Variants in RAD23B observed in about 807,000 individuals in gnomAD.
RAD23B encodes RAD23 nucleotide excision repair protein B.
In RAD23B, 5 loss-of-function variants were observed where a neutral mutation model predicts 49.1. That is an observed-to-expected ratio of 0.10 (90% confidence interval 0.05 to 0.21). The LOEUF is 0.21. RAD23B is among the 10% of genes least tolerant of loss of function. RAD23B has a pLI of 1.00. For synonymous variants in RAD23B, 184 were observed against 165.4 expected, an observed-to-expected ratio of 1.11 and a Z score of -0.86; for missense variants, 356 against 486.7, an observed-to-expected ratio of 0.73 and a Z score of 2.53.
At position 107,306,059 on chromosome 9, in the gene RAD23B, A is replaced by C. The variant is rs965031603; in HGVS notation, c.229-320A>C. ...AATGATACGGTTTATATCTATATAT[A>C]TATATATATATATCTATATATCTAT... On this transcript the variant is annotated intron_variant, in intron 3 of 9. Coordinates refer to ENST00000358015, the MANE Select transcript of RAD23B (RefSeq NM_002874.5). 8.7e-5 allele frequency among the ~76,000 whole-genome samples: 10 copies of C among 114,798 alleles called. 1 individual carries two copies. Among genetic ancestry groups the C allele is most frequent in the South Asian group, 5.5e-4 (2 of 3,640 alleles). The allele number at this position is 114,798 out of a possible 152,430, so 75.3% of individuals were successfully genotyped here. A position where few individuals can be genotyped will look rare whatever the true frequency, so the allele number is the denominator to read the frequency against.
chr9:107,311,650 T>A (rs1418424408), intron 4 of RAD23B, 32 bp from the exon 5 acceptor site: 3 of 1,511,540 alleles, frequency 2.0e-6, no homozygotes, highest in Non-Finnish European at 2.7e-6. Flanking sequence ...ATATACTTTT[T>A]AAAATGTGAT....
rs148559163 is a variant in RAD23B at position 107,322,076 on chromosome 9, G to A, written c.775G>A (p.Ala259Thr). ...TCAGTCTTCAGCAGTGGCTGCAGCTGCAGCAACTACGACAGCAACAACTAC... is the reference window on the plus strand; with the variant it reads ...TCAGTCTTCAGCAGTGGCTGCAGCTACAGCAACTACGACAGCAACAACTAC... ...APQSSAVAAA[A>T]ATTTATTTTT... is the part of the protein sequence containing the mutation. The change falls in exon 7 of 10, where the codon GCA (alanine) becomes ACA (threonine). Residue 259 changes from alanine to threonine, a missense_variant. Physicochemically the swap from Ala to Thr is moderately conservative, Grantham distance 58 (BLOSUM62 0). This residue lies in a region of RAD23B where 148 missense variants were observed against 231.7 expected (regional missense o/e 0.64). Transcript: ENST00000358015. 11 of 1,611,470 alleles carry A rather than the reference G, an allele frequency of 6.8e-6. No homozygotes were observed. The African/African-American group carries it at 1.2e-4, about 18-fold the overall frequency.
At chr9:107,294,294 G>C (rs1833444863) in intron 1 of RAD23B, among the ~76,000 whole-genome samples, 1 of 152,136 alleles carries the variant, frequency 6.6e-6, no homozygotes, top group Non-Finnish European at 1.5e-5. Context: ...TTGATTTCTT[G>C]AATGTTAACC....
chr9:107,294,544 G>A (rs1826459311), intron 1 of RAD23B, among the ~76,000 whole-genome samples: 1 of 152,186 alleles, frequency 6.6e-6, no homozygotes, highest in South Asian at 2.1e-4. Flanking sequence ...CTTGTGCTGA[G>A]TTCATACCTC....
At chr9:107,294,535 T>C (rs1385246425) in intron 1 of RAD23B, among the ~76,000 whole-genome samples, 2 of 152,240 alleles carry the variant, frequency 1.3e-5, no homozygotes, top group African/African-American at 4.8e-5. Flanking sequence ...AAGAGAAACC[T>C]TGTGCTGAGT....
At position 107,331,292 on chromosome 9, in the gene RAD23B, C is replaced by T. The variant is rs757559482; in HGVS notation, c.*1636C>T. ...CCGAGGTGGGCAGATCACTTGAGGC[C>T]AGGAGATTGAGACCAGCCTGACCGT... On this transcript the variant is annotated 3_prime_UTR_variant, in exon 10 of 10. Transcript: ENST00000358015. 27 of 167,034 alleles carry T rather than the reference C, an allele frequency of 1.6e-4. No homozygotes were observed. The highest frequency in any genetic ancestry group is 3.4e-4 in the Non-Finnish European group (26 of 77,550). 10.3% of individuals were successfully genotyped at this position (167,034 alleles called of 1,614,324 possible).
intron 1 of RAD23B, among the ~76,000 whole-genome samples, chr9:107,292,676 CAAAAAAAAAA>C (rs3056493): frequency 2.4e-5 from 2 of 82,760 alleles, no homozygotes; most frequent in Middle Eastern, 5.8e-3. Context: ...GAGACTCTGT[CAAAAAAAAAA>C]AAAAAAAAAA....
At chr9:107,284,167 G>C in intron 1 of RAD23B, 1 of 987,242 alleles carries the variant, frequency 1.0e-6, no homozygotes, top group African/African-American at 1.7e-5. Flanking sequence ...AAAAGTATCA[G>C]GTTCCGTTTG....
Position 107,331,565 on chromosome 9 carries a change from C to T in RAD23B, c.*1909C>T, listed in dbSNP as rs974199329. ...AGAATAAAATGAGAATTCATATATA[C>T]GTTCATCTTTCAAGTCAGAGCAATG... is the stretch of plus-strand genomic sequence containing the variant. On this transcript the variant is annotated 3_prime_UTR_variant, in exon 10 of 10. Transcript: ENST00000358015. 6.3e-5 allele frequency: 42 copies of T among 664,760 alleles called. 1 individual carries two copies. Among genetic ancestry groups the T allele is most frequent in the Admixed American group, 3.1e-4 (12 of 39,188 alleles). The allele number at this position is 664,760 out of a possible 1,614,324, so 41.2% of individuals were successfully genotyped here. A position where few individuals can be genotyped will look rare whatever the true frequency, so the allele number is the denominator to read the frequency against.
intron 1 of RAD23B, chr9:107,284,088 C>T (rs1006767073): frequency 8.0e-6 from 8 of 1,005,890 alleles, no homozygotes; most frequent in Non-Finnish European, 9.5e-6. Context: ...GCCACTACCC[C>T]TGTGTGGACC....
chr9:107,315,359 G>A lies in RAD23B; in HGVS notation c.554-3393G>A, dbSNP rs191878457. 1.8e-3 allele frequency among the ~76,000 whole-genome samples: 272 copies of A among 152,246 alleles called. 1 individual carries two copies. The highest frequency in any genetic ancestry group is 3.0e-3 in the Non-Finnish European group (202 of 68,022). On this transcript the variant is annotated intron_variant, in intron 5 of 9. Transcript: ENST00000358015. The stretch of plus-strand genomic sequence containing the variant: ...GTGTCTGTTTTTATACCAGTACCAT[G>A]CTGTTTTGGTTACAATAGCCTGGTA...
chr9:107,294,041 A>G (rs555753818), intron 1 of RAD23B, among the ~76,000 whole-genome samples: 55 of 152,174 alleles, frequency 3.6e-4, no homozygotes, highest in Non-Finnish European at 7.3e-4. Context: ...ACTACTTTTA[A>G]TGGTTGTTGG....
intron 5 of RAD23B, among the ~76,000 whole-genome samples, chr9:107,312,719 G>A (rs1039063344): frequency 1.3e-5 from 2 of 152,222 alleles, no homozygotes; most frequent in Non-Finnish European, 2.9e-5. Context: ...AAGAGGGAAA[G>A]GCTTAATCTT....
In RAD23B at chr9:107,318,243, G is replaced by A. The variant is rs775596569; in HGVS notation, c.554-509G>A. 5.3e-5 allele frequency among the ~76,000 whole-genome samples: 8 copies of A among 152,138 alleles called. No individual in the cohort carries two copies. The highest frequency in any genetic ancestry group is 1.9e-4 in the East Asian group (1 of 5,194). On this transcript the variant is annotated intron_variant, in intron 5 of 9. Coordinates refer to ENST00000358015, the MANE Select transcript of RAD23B (RefSeq NM_002874.5). This position sits in a 1 kb window ranked among gnomAD's most constrained non-coding sequence, Gnocchi z 4.3. Reference sequence around the variant, plus strand: ...CTCACTGTACTAAAATCAGGGAGCCGGCATTCCTTTTTGGAGACTCCGGGG... The same window carrying A: ...CTCACTGTACTAAAATCAGGGAGCCAGCATTCCTTTTTGGAGACTCCGGGG...
At position 107,306,045 on chromosome 9, in the gene RAD23B, T is replaced by TATATATATATA. The variant is rs1564245432; in HGVS notation, c.229-334_229-333insATATATATATA. Among the ~76,000 whole-genome samples the TATATATATATA allele has an allele frequency of 2.6e-4, 7 of 26,794 alleles. 1 individual carries two copies. The highest frequency in any genetic ancestry group is 5.1e-4 in the African/African-American group (4 of 7,816). The allele number at this position is 26,794 out of a possible 152,430, so 17.6% of individuals were successfully genotyped here. A position where few individuals can be genotyped will look rare whatever the true frequency, so the allele number is the denominator to read the frequency against. On this transcript the variant is annotated intron_variant, in intron 3 of 9. Coordinates refer to ENST00000358015, the MANE Select transcript of RAD23B (RefSeq NM_002874.5). The stretch of plus-strand genomic sequence containing the variant: ...AGTTTTTTTGGGAAAATGATACGGT[T>TATATATATATA]TATATCTATATATATATATATATAT...
intron 5 of RAD23B, among the ~76,000 whole-genome samples, chr9:107,316,536 T>A (rs916209982): frequency 7.9e-5 from 12 of 152,208 alleles, no homozygotes; most frequent in Non-Finnish European, 1.3e-4. Flanking sequence ...TGCTTTGTGC[T>A]CGAATTATAT....
At chr9:107,328,997 G>T (rs1432657097) in intron 9 of RAD23B, among the ~76,000 whole-genome samples, 1 of 152,168 alleles carries the variant, frequency 6.6e-6, no homozygotes, top group Non-Finnish European at 1.5e-5. Flanking sequence ...TTGGTCACCT[G>T]TTTTTCTAGT....
At chr9:107,324,167 A>AT in intron 8 of RAD23B, 150 bp downstream of exon 8, 2 of 941,110 alleles carry the variant, frequency 2.1e-6, no homozygotes, top group South Asian at 3.7e-5. Context: ...TGTAATCTAG[A>AT]TAGGTGTACT....
At chr9:107,312,127 G>A (rs890458588) in intron 5 of RAD23B, among the ~76,000 whole-genome samples, 4 of 152,170 alleles carry the variant, frequency 2.6e-5, no homozygotes, top group African/African-American at 9.7e-5. Context: ...CAACTTGATG[G>A]CACTATACAT....
Sources: allele counts gnomAD v4.1 joint callset (sites outside exome capture counted in the v4.1 genomes callset), GRCh38; gene constraint gnomAD v4.1.1; regional missense constraint gnomAD v4.1.1; non-coding constraint Gnocchi (gnomAD v3.1); transcripts MANE v1.5; gene names NCBI Gene and HGNC (gene_info 2026-07-23, HGNC 2026-07-21).